The following KIF5C variants were observed in gnomAD, a reference collection of about 807,000 sequenced individuals.
The protein encoded by KIF5C is kinesin family member 5C, also known as kinesin heavy chain isoform 5C.
A neutral mutation model predicts 125.2 loss-of-function variants in KIF5C; 18 were observed. The ratio of observed to expected loss-of-function variants is 0.14; its 90% CI spans 0.10 to 0.21. The LOEUF (loss-of-function observed/expected upper bound fraction) is 0.21, where lower values mean the gene tolerates loss of function less well. Among genes scored for constraint, KIF5C ranks in the 10% least tolerant of loss-of-function variants. KIF5C has a pLI of 1.00. For synonymous variants in KIF5C, 405 were observed against 434.0 expected (o/e 0.93, Z 0.83); for missense variants, 780 against 1,183.8 (o/e 0.66, Z 5.01).
In KIF5C at chr2:149,000,501, A is replaced by G. The variant is rs1033425071; in HGVS notation, c.2289A>G (p.Arg763=). The change falls in exon 20 of 26, where the codon AGA becomes AGG. Residue 763 remains arginine (R), a synonymous_variant. Coordinates refer to ENST00000435030, the MANE Select transcript of KIF5C (RefSeq NM_004522.3). ...YNKLKIEDQE[R]EMKLEKLLLL... is the part of the protein sequence containing the mutation. ...AGCTGAAAATAGAGGACCAAGAGAG[A>G]GAAATGAAGCTGGAAAAGCTCTTGT... 1.3e-6 allele frequency: 2 copies of G among 1,569,098 alleles called. No homozygotes were observed. The highest frequency in any genetic ancestry group is 2.3e-5 in the East Asian group (1 of 43,666).
intron 10 of KIF5C, among the ~76,000 whole-genome samples, chr2:148,951,622 A>G (rs1435344036): frequency 2.0e-5 from 3 of 152,082 alleles, no homozygotes; most frequent in Admixed American, 2.0e-4. Flanking sequence ...GCGAGCTCTG[A>G]TGTTGGATGA....
rs1321368838 is a variant in KIF5C, at chr2:148,946,775, A to G, written c.590-124A>G. ...ACAGGGGTCTCAGATAATTTTTAGA[A>G]TTGACTGGACTTACTTCAATGAAAT... is the stretch of plus-strand genomic sequence containing the variant. On this transcript the variant is annotated intron_variant, in intron 7 of 25. Transcript: ENST00000435030. The G allele has an allele frequency of 7.2e-6, 10 of 1,385,218 alleles. No individual in the cohort carries two copies. The African/African-American group carries it at 9.0e-5, about 12-fold the overall frequency. 85.8% of individuals were successfully genotyped at this position (1,385,218 alleles called of 1,614,324 possible).
intron 1 of KIF5C, among the ~76,000 whole-genome samples, chr2:148,880,947 A>T (rs1157266607): frequency 1.3e-5 from 2 of 150,546 alleles, no homozygotes; most frequent in Non-Finnish European, 2.9e-5. Context: ...AGCTAAAAAA[A>T]AACCTAGTTT....
chr2:148,875,845 T>G, intron 1 of KIF5C, 102 bp downstream of exon 1: 2 of 1,454,940 alleles, frequency 1.4e-6, no homozygotes, highest in Non-Finnish European at 1.8e-6. Flanking sequence ...CCCTCGGACA[T>G]TCCCGCGGGG....
chr2:148,934,835 A>G (rs78541971), intron 3 of KIF5C, among the ~76,000 whole-genome samples: 1 of 151,748 alleles, frequency 6.6e-6, no homozygotes, highest in Non-Finnish European at 1.5e-5. Context: ...CCCCACACGT[A>G]TATCACACAC....
intron 3 of KIF5C, among the ~76,000 whole-genome samples, chr2:148,930,569 T>A (rs1682154591): frequency 6.6e-6 from 1 of 152,164 alleles, no homozygotes; most frequent in African/African-American, 2.4e-5. Flanking sequence ...TGCTGCAGAA[T>A]CGGTTTAGCT....
intron 14 of KIF5C, among the ~76,000 whole-genome samples, chr2:148,982,540 A>G (rs771593632): frequency 5.9e-5 from 9 of 152,262 alleles, no homozygotes; most frequent in Admixed American, 2.0e-4. Context: ...TCCTCGCGGC[A>G]TACATTCAGC....
At chr2:148,952,242 T>C (rs1682682779) in intron 10 of KIF5C, among the ~76,000 whole-genome samples, 1 of 152,138 alleles carries the variant, frequency 6.6e-6, no homozygotes, top group African/African-American at 2.4e-5. Flanking sequence ...CAGCTCTAAG[T>C]GCATTTATAA....
At chr2:148,988,204 A>T (rs576518586) in intron 15 of KIF5C, among the ~76,000 whole-genome samples, 5 of 152,000 alleles carry the variant, frequency 3.3e-5, no homozygotes, top group Non-Finnish European at 7.4e-5. Context: ...GAAACTTTTG[A>T]ACATGAAACC....
intron 8 of KIF5C, among the ~76,000 whole-genome samples, chr2:148,949,508 T>A (rs1395689431): frequency 3.9e-5 from 6 of 152,128 alleles, no homozygotes; most frequent in Non-Finnish European, 8.8e-5. Flanking sequence ...TGCGGCTCAG[T>A]CTCCCAGGGC....
At position 148,946,964 on chromosome 2, in the gene KIF5C, G is replaced by C; in HGVS notation, c.655G>C (p.Glu219Gln). Reference sequence around the variant, plus strand: ...GATAAATATTAAACAAGAGAATGTAGAGACTGAAAAAAAACTCAGTGGGAA... The same window carrying C: ...GATAAATATTAAACAAGAGAATGTACAGACTGAAAAAAAACTCAGTGGGAA... ...FLINIKQENV[E>Q]TEKKLSGKLY... is the part of the protein sequence containing the mutation. Residue 219 changes from glutamate to glutamine, a missense_variant, in exon 8 of 26, where the codon GAG (glutamate) becomes CAG (glutamine). Glu to Gln is a conservative substitution (Grantham distance 29). Coordinates refer to ENST00000435030, the MANE Select transcript of KIF5C (RefSeq NM_004522.3). 1 of 1,613,060 alleles carries C rather than the reference G, an allele frequency of 6.2e-7. No homozygotes were observed. The highest frequency in any genetic ancestry group is 2.2e-5 in the East Asian group (1 of 44,828).
intron 11 of KIF5C, among the ~76,000 whole-genome samples, chr2:148,965,017 C>T (rs368460799): frequency 3.3e-5 from 5 of 151,776 alleles, no homozygotes; most frequent in East Asian, 1.9e-4. Context: ...AGAAATTAGC[C>T]GGGTGTGGTG....
At chr2:148,937,149 A>C (rs1009268870) in intron 3 of KIF5C, 135 bp from the exon 4 acceptor site, 2 of 1,299,248 alleles carry the variant, frequency 1.5e-6, no homozygotes, top group Admixed American at 5.7e-5. Flanking sequence ...TAGATGCCCA[A>C]GGGAGCTGGC....
intron 23 of KIF5C, among the ~76,000 whole-genome samples, chr2:149,008,904 C>T (rs542836108): frequency 1.3e-5 from 2 of 151,240 alleles, no homozygotes; most frequent in African/African-American, 4.9e-5. Context: ...ATGAGAAATA[C>T]GAAAGCAGAA....
At chr2:148,895,237 A>C (rs190463008) in intron 1 of KIF5C, among the ~76,000 whole-genome samples, 93 of 152,262 alleles carry the variant, frequency 6.1e-4, no homozygotes, top group African/African-American at 2.0e-3. Flanking sequence ...TCCCGGGTTC[A>C]AGCGATTCTC....
chr2:149,010,296 C>A lies in KIF5C; in HGVS notation c.2712C>A (p.Ile904=). The A allele has an allele frequency of 6.3e-7, 1 of 1,597,036 alleles. No individual in the cohort carries two copies. The highest frequency in any genetic ancestry group is 1.1e-5 in the South Asian group (1 of 87,752). ...GCTACCAGCAGGAGGTGGATCGTATCAAGGAGGCCGTGCGGGCCAAGAACA... is the reference window on the plus strand; with the variant it reads ...GCTACCAGCAGGAGGTGGATCGTATAAAGGAGGCCGTGCGGGCCAAGAACA... ...RKRYQQEVDR[I]KEAVRAKNMA... The change falls in exon 24 of 26, where the codon ATC becomes ATA. Residue 904 remains isoleucine (I), a synonymous_variant. Coordinates refer to ENST00000435030, the MANE Select transcript of KIF5C (RefSeq NM_004522.3).
At chr2:148,942,844 A>G in intron 7 of KIF5C, 84 bp downstream of exon 7, 1 of 1,551,092 alleles carries the variant, frequency 6.4e-7, no homozygotes, top group Non-Finnish European at 8.7e-7. Context: ...GGAATTAGGT[A>G]CAAATGAAAG....
intron 19 of KIF5C, among the ~76,000 whole-genome samples, chr2:148,999,609 A>G (rs1408712809): frequency 2.0e-5 from 3 of 152,122 alleles, no homozygotes; most frequent in Non-Finnish European, 4.4e-5. Context: ...TTTCCCCTTC[A>G]GGGATATCTC....
chr2:148,951,366 G>A (rs1216513951), intron 10 of KIF5C, among the ~76,000 whole-genome samples: 1 of 152,146 alleles, frequency 6.6e-6, no homozygotes, highest in African/African-American at 2.4e-5. Flanking sequence ...GTGTCCATAG[G>A]TGGGCAGCAG....
Sources: gnomAD v4.1 joint callset for allele counts (sites outside exome capture counted in the v4.1 genomes callset) on GRCh38, gnomAD v4.1.1 for gene constraint, MANE v1.5 for transcripts, NCBI Gene and HGNC (gene_info 2026-07-23, HGNC 2026-07-21) for gene names.